IKBIP: variants seen among roughly 807,000 people sequenced by gnomAD.
IKBIP encodes the protein IKBKB interacting protein, also known as inhibitor of nuclear factor kappa-B kinase-interacting protein.
Under a neutral mutation model 31.0 loss-of-function variants are expected in IKBIP, and 28 were observed. That is an observed-to-expected ratio of 0.90 (90% CI 0.67 to 1.24). IKBIP has a LOEUF of 1.24. Among genes scored for constraint, IKBIP ranks in the 50% most tolerant of loss-of-function variants. IKBIP has a pLI of 0.00. For synonymous variants in IKBIP, 164 were observed against 160.3 expected (o/e 1.02, Z -0.17); for missense variants, 453 against 441.9 (o/e 1.03, Z -0.23).
At chr12:98,636,925 A>G (rs1275842133) in intron 1 of IKBIP, among the ~76,000 whole-genome samples, 1 of 152,152 alleles carries the variant, frequency 6.6e-6, no homozygotes, top group Non-Finnish European at 1.5e-5. Context: ...GGGGGAAAAA[A>G]AAAAAGTAAA....
chr12:98,633,988 C>A (rs2097623458), intron 2 of IKBIP, among the ~76,000 whole-genome samples: 1 of 152,196 alleles, frequency 6.6e-6, no homozygotes, highest in African/African-American at 2.4e-5. Flanking sequence ...TGGCTGTAGA[C>A]ATGATCAACC....
intron 2 of IKBIP, among the ~76,000 whole-genome samples, chr12:98,633,442 A>T (rs1484309953): frequency 6.7e-6 from 1 of 149,172 alleles, no homozygotes; most frequent in African/African-American, 2.5e-5. Flanking sequence ...TTTAATTTTC[A>T]TTGGAATTCT....
chr12:98,614,467 CAGGATGG>C lies in IKBIP; in HGVS notation c.298-134_298-128del, dbSNP rs1372439962. 1.7e-5 allele frequency: 9 copies of C among 522,670 alleles called. No homozygotes were observed. The East Asian group carries it at 2.4e-4, about 14-fold the overall frequency. 32.4% of individuals were successfully genotyped at this position (522,670 alleles called of 1,614,324 possible). On this transcript the variant is annotated intron_variant, in intron 2 of 2. Transcript: ENST00000342502. ...TGAGACAGAGGCTTGTTCTGTTACC[CAGGATGG>C]AGTGCAGTGGCACGATCTTGGCTCA...
In IKBIP at chr12:98,613,903, C is replaced by T. The variant is rs758723626; in HGVS notation, c.735G>A (p.Thr245=). ...CGAAGTCACTCTTTAGTTCGGTTAGCGTCTTCTTAACAGAGTTAATTCTTT... is the reference window on the plus strand; with the variant it reads ...CGAAGTCACTCTTTAGTTCGGTTAGTGTCTTCTTAACAGAGTTAATTCTTT... The change falls in exon 3 of 3, where the codon ACG becomes ACA. Residue 245 remains threonine (T), a synonymous_variant. Coordinates refer to the IKBIP transcript ENST00000342502. 3.1e-6 allele frequency: 5 copies of T among 1,613,644 alleles called. No individual in the cohort carries two copies. In the East Asian group the frequency reaches 6.7e-5, roughly 22 times the overall value.
rs1490820265 is a variant in IKBIP at position 98,614,290 on chromosome 12, AATT to A, written c.345_347del (p.Ile116del). Reference sequence around the variant, plus strand: ...CTTCCTGTAGACGCTTTAGATGAGCAATTATTTGAAAAGACTTCAATTGTTCCA... The same window carrying A: ...CTTCCTGTAGACGCTTTAGATGAGCAATTTGAAAAGACTTCAATTGTTCCA... On this transcript the variant is annotated inframe_deletion, in exon 3 of 3. Transcript: ENST00000342502. The A allele has an allele frequency of 1.9e-6, 3 of 1,601,054 alleles. No homozygotes were observed. In the African/African-American group the frequency reaches 4.0e-5, roughly 22 times the overall value.
intron 2 of IKBIP, among the ~76,000 whole-genome samples, chr12:98,615,649 A>G (rs1389149204): frequency 1.3e-5 from 2 of 152,202 alleles, no homozygotes; most frequent in Non-Finnish European, 1.5e-5. Flanking sequence ...AACATCTCTC[A>G]ATTGTCCTAC....
In IKBIP at chr12:98,644,693, C is replaced by G; in HGVS notation, c.9G>C (p.Glu3Asp). The part of the protein sequence containing the change: MS[E>D]VKSRKKSGPK... ...GCCCCGACTTCTTCCGGCTCTTCAC[C>G]TCAGACATGTCTGGAGACCCTAGGA... The change falls in exon 1 of 3, where the codon GAG becomes GAC. Residue 3 changes from glutamate to aspartate, a missense_variant. Coordinates refer to ENST00000299157, the MANE Select transcript of IKBIP (RefSeq NM_153687.4). The G allele has an allele frequency of 6.2e-7, 1 of 1,609,902 alleles. No individual in the cohort carries two copies. Among genetic ancestry groups the G allele is most frequent in the Non-Finnish European group, 8.5e-7 (1 of 1,178,916 alleles).
intron 1 of IKBIP, among the ~76,000 whole-genome samples, chr12:98,642,723 C>T (rs907333581): frequency 6.7e-5 from 10 of 149,852 alleles, no homozygotes; most frequent in African/African-American, 2.5e-4. Flanking sequence ...GCCTCAGCCT[C>T]CTGAGTAGCT....
chr12:98,634,350 T>C lies in IKBIP; in HGVS notation c.243A>G (p.Leu81=), dbSNP rs1294252077. 6.2e-7 allele frequency: 1 copy of C among 1,606,342 alleles called. No homozygotes were observed. The highest frequency in any genetic ancestry group is 1.3e-5 in the African/African-American group (1 of 74,864). The part of the protein sequence containing the change: ...KVENQYQLLK[L]ETNEFQQLQS... ...GAAGTTGTTGGAATTCATTGGTTTC[T>C]AGTTTCAGTAACTGGTATTGGTTTT... Residue 81 remains leucine, a synonymous_variant, in exon 2 of 3, where the codon CTA becomes CTG. Coordinates refer to ENST00000299157, the MANE Select transcript of IKBIP (RefSeq NM_153687.4).
chr12:98,632,287 A>G (rs1214651807), intron 2 of IKBIP, among the ~76,000 whole-genome samples: 2 of 151,190 alleles, frequency 1.3e-5, no homozygotes, highest in East Asian at 2.0e-4. Flanking sequence ...TGGGCAATGT[A>G]GCAAGACCCC....
Position 98,644,603 on chromosome 12 carries a change from C to A in IKBIP, c.99G>T (p.Arg33=). Residue 33 remains arginine (R), a synonymous_variant, in exon 1 of 3, where the codon CGG becomes CGT. Transcript: ENST00000299157. ...RSEGGKTPVA[R]SSGGGGWADP... ...CTGCCCAGCCCCCGCCTCCGCTGCTCCGGGCCACGGGGGTCTTCCCGCCCT... is the reference window on the plus strand; with the variant it reads ...CTGCCCAGCCCCCGCCTCCGCTGCTACGGGCCACGGGGGTCTTCCCGCCCT... 1.2e-6 allele frequency: 2 copies of A among 1,610,354 alleles called. No homozygotes were observed.
At chr12:98,620,229 T>C (rs906878075), downstream of IKBIP, among the ~76,000 whole-genome samples, 6 of 151,650 alleles carry the variant, frequency 4.0e-5, no homozygotes, top group African/African-American at 1.5e-4. Context: ...CCAGAATATT[T>C]ATTAAATTCC....
chr12:98,628,680 A>G (rs1295536816), intron 2 of IKBIP, among the ~76,000 whole-genome samples: 1 of 152,216 alleles, frequency 6.6e-6, no homozygotes, highest in Non-Finnish European at 1.5e-5. Context: ...CTTGTGTGAG[A>G]CAGTGGAGAC....
At chr12:98,614,606 T>C (rs1446663938) in intron 2 of IKBIP, among the ~76,000 whole-genome samples, 1 of 152,030 alleles carries the variant, frequency 6.6e-6, no homozygotes, top group Non-Finnish European at 1.5e-5. Flanking sequence ...TTTGTATTTT[T>C]AGTAGAGACG....
At chr12:98,628,377 GT>G (rs2097616745) in intron 2 of IKBIP, among the ~76,000 whole-genome samples, 1 of 152,180 alleles carries the variant, frequency 6.6e-6, no homozygotes, top group Admixed American at 6.5e-5. Context: ...TTAAAAACTG[GT>G]ATGCCTATCA....
In IKBIP at chr12:98,643,874, G is replaced by C. The variant is rs2097634290; in HGVS notation, c.179+649C>G. The stretch of plus-strand genomic sequence containing the variant: ...TCGGTCGCCCAGGCTGGAGTGCAGT[G>C]ATGCGATCTTGGCTCATAGCAACCT... On this transcript the variant is annotated intron_variant, in intron 1 of 2. Coordinates refer to ENST00000299157, the MANE Select transcript of IKBIP (RefSeq NM_153687.4). Among the ~76,000 whole-genome samples the C allele has an allele frequency of 2.1e-5, 3 of 146,050 alleles. No individual in the cohort carries two copies. The South Asian group carries it at 6.4e-4, about 31-fold the overall frequency.
At chr12:98,633,510 C>CTTTTTTTTTTTTTTTTT (rs71432181) in intron 2 of IKBIP, among the ~76,000 whole-genome samples, 5 of 61,370 alleles carry the variant, frequency 8.1e-5, no homozygotes, top group African/African-American at 1.4e-4. Context: ...TTTTTTAATT[C>CTTTTTTTTTTTTTTTTT]TTTTTTTTTT....
exon 3 of IKBIP, chr12:98,614,192 G>A (rs543615821): frequency 1.4e-5 from 22 of 1,613,766 alleles, no homozygotes; most frequent in Admixed American, 3.3e-5. Context: ...TTGAGAAAGC[G>A]TCGTCAGACT....
chr12:98,630,439 T>C (rs1007726147), intron 2 of IKBIP, among the ~76,000 whole-genome samples: 2 of 148,164 alleles, frequency 1.3e-5, no homozygotes, highest in African/African-American at 5.0e-5. Context: ...TAGTGCTTGA[T>C]TGTTTTCAAA....
Sources: gnomAD v4.1 joint callset for allele counts (sites outside exome capture counted in the v4.1 genomes callset) on GRCh38, gnomAD v4.1.1 for gene constraint, MANE v1.5 for transcripts, NCBI Gene and HGNC (gene_info 2026-07-23, HGNC 2026-07-21) for gene names.